MIPOL1: variants seen among roughly 807,000 people sequenced by gnomAD.
The protein encoded by MIPOL1 is mirror-image polydactyly gene 1 protein.
In MIPOL1, 57 loss-of-function variants were observed where a neutral mutation model predicts 60.9. The ratio of observed to expected loss-of-function variants is 0.94; its 90% CI spans 0.76 to 1.17. The LOEUF is 1.17. Among genes scored for constraint, MIPOL1 ranks in the 50% most tolerant of loss-of-function variants. The pLI is 0.00. For synonymous variants in MIPOL1, 179 were observed against 168.8 expected (o/e 1.06, Z -0.47); for missense variants, 551 against 511.6 (o/e 1.08, Z -0.74).
chr14:37,422,839 T>C lies in MIPOL1; in HGVS notation c.937-16T>C. ...AAAATGAATACTGAATTTCTTAAAA[T>C]ATTAATTACTTTTAGGCAAAGTTGT... On this transcript the variant is annotated splice_polypyrimidine_tract_variant and intron_variant, in intron 10 of 12. Coordinates refer to ENST00000684589, the MANE Select transcript of MIPOL1 (RefSeq NM_001388067.1). The C allele has an allele frequency of 1.3e-6, 2 of 1,538,972 alleles. No homozygotes were observed. The highest frequency in any genetic ancestry group is 2.8e-5 in the African/African-American group (2 of 72,544).
At chr14:37,307,275 T>TA (rs1217826662) in intron 7 of MIPOL1, among the ~76,000 whole-genome samples, 1 of 151,916 alleles carries the variant, frequency 6.6e-6, no homozygotes, top group African/African-American at 2.4e-5. Context: ...CACTAACATA[T>TA]ATCACAAATT....
At chr14:37,517,605 T>C (rs1333375576) in intron 12 of MIPOL1, among the ~76,000 whole-genome samples, 1 of 152,182 alleles carries the variant, frequency 6.6e-6, no homozygotes, top group East Asian at 1.9e-4. Flanking sequence ...AATTACAGTA[T>C]TGTTTTTAAT....
intron 11 of MIPOL1, among the ~76,000 whole-genome samples, chr14:37,454,836 A>C (rs752634276): frequency 3.9e-5 from 6 of 152,168 alleles, no homozygotes; most frequent in Non-Finnish European, 7.4e-5. Flanking sequence ...GGTAGCTGAT[A>C]ATTGTTTCTG....
At chr14:37,470,438 TA>T (rs769519097) in intron 11 of MIPOL1, among the ~76,000 whole-genome samples, 9 of 151,932 alleles carry the variant, frequency 5.9e-5, no homozygotes, top group Non-Finnish European at 1.3e-4. Flanking sequence ...GCTGTTCTCG[TA>T]ATAGTGAGTT....
At chr14:37,526,931 A>C (rs1566777452) in intron 12 of MIPOL1, among the ~76,000 whole-genome samples, 1 of 152,178 alleles carries the variant, frequency 6.6e-6, no homozygotes, top group Non-Finnish European at 1.5e-5. Flanking sequence ...AGCATTCACT[A>C]CTATTGAGTA....
intron 6 of MIPOL1, among the ~76,000 whole-genome samples, chr14:37,283,673 T>G (rs2084309462): frequency 6.6e-6 from 1 of 152,230 alleles, no homozygotes; most frequent in Non-Finnish European, 1.5e-5. Context: ...CTAACATTTG[T>G]TGATGATCCA....
intron 9 of MIPOL1, among the ~76,000 whole-genome samples, chr14:37,342,796 TAAATA>T (rs2090670496): frequency 6.6e-6 from 1 of 152,146 alleles, no homozygotes; most frequent in Non-Finnish European, 1.5e-5. Context: ...GCTTACTAAA[TAAATA>T]GCTATACATC....
intron 9 of MIPOL1, among the ~76,000 whole-genome samples, chr14:37,364,475 G>T (rs909698508): frequency 2.6e-5 from 4 of 152,160 alleles, no homozygotes; most frequent in East Asian, 3.9e-4. Context: ...ACCATTTATT[G>T]AAGAGACTGT....
intron 7 of MIPOL1, among the ~76,000 whole-genome samples, chr14:37,288,171 T>G (rs777079306): frequency 2.0e-5 from 3 of 151,636 alleles, no homozygotes; most frequent in African/African-American, 7.3e-5. Flanking sequence ...TTTTTTTGGT[T>G]GTTGTTTTGT....
chr14:37,406,918 C>T (rs1218161722), intron 10 of MIPOL1, among the ~76,000 whole-genome samples: 2 of 152,082 alleles, frequency 1.3e-5, no homozygotes, highest in Non-Finnish European at 2.9e-5. Flanking sequence ...CAAGAAGTCT[C>T]AGTATTTAAG....
At chr14:37,461,051 A>G (rs1566646066) in intron 11 of MIPOL1, among the ~76,000 whole-genome samples, 2 of 152,230 alleles carry the variant, frequency 1.3e-5, no homozygotes, top group East Asian at 1.9e-4. Context: ...AACCAAAGCA[A>G]TTTTAAGCAA....
intron 10 of MIPOL1, among the ~76,000 whole-genome samples, chr14:37,371,561 G>A (rs1595455607): frequency 6.6e-6 from 1 of 151,664 alleles, no homozygotes; most frequent in African/African-American, 2.4e-5. Context: ...TAAATTCTTG[G>A]TGAAGATGAG....
At chr14:37,339,678 A>C (rs2090432098) in intron 9 of MIPOL1, among the ~76,000 whole-genome samples, 1 of 152,216 alleles carries the variant, frequency 6.6e-6, no homozygotes, top group African/African-American at 2.4e-5. Context: ...ACAGTCTCTC[A>C]CACACACAAA....
chr14:37,537,706 A>G (rs887923902), intron 12 of MIPOL1, among the ~76,000 whole-genome samples: 2 of 152,186 alleles, frequency 1.3e-5, no homozygotes, highest in Non-Finnish European at 2.9e-5. Context: ...GGAATTCACG[A>G]TTTGGCTTTG....
intron 1 of MIPOL1, among the ~76,000 whole-genome samples, chr14:37,204,749 A>C (rs1325951472): frequency 1.3e-5 from 2 of 152,136 alleles, no homozygotes; most frequent in Admixed American, 6.5e-5. Context: ...AGACTAACAC[A>C]GTAAATGGAC....
At chr14:37,539,991 G>C (rs78654412) in intron 12 of MIPOL1, among the ~76,000 whole-genome samples, 1 of 152,060 alleles carries the variant, frequency 6.6e-6, no homozygotes, top group East Asian at 1.9e-4. Flanking sequence ...TCCCCCTTTT[G>C]CTTTACACTT....
At position 37,491,889 on chromosome 14, in the gene MIPOL1, C is replaced by T. The variant is rs535476958; in HGVS notation, c.1032-8019C>T. Among the ~76,000 whole-genome samples the T allele has an allele frequency of 2.0e-3, 312 of 152,318 alleles. 1 individual carries two copies. The highest frequency in any genetic ancestry group is 3.4e-3 in the Middle Eastern group (1 of 294). ...TTTGCAGATTAAATTTCCTCATACA[C>T]ACTCTTATCCATTCTGAATATATTT... On this transcript the variant is annotated intron_variant, in intron 11 of 12. Transcript: ENST00000684589.
At chr14:37,216,062 C>CAAAAAAAAAAAAA (rs71449980) in intron 1 of MIPOL1, among the ~76,000 whole-genome samples, 1 of 85,830 alleles carries the variant, frequency 1.2e-5, no homozygotes, top group Non-Finnish European at 2.3e-5. Flanking sequence ...ACCTCCATCT[C>CAAAAAAAAAAAAA]AAAAAAAAAA....
At chr14:37,247,677 T>C in intron 2 of MIPOL1, 152 bp from the exon 3 acceptor site, 1 of 502,682 alleles carries the variant, frequency 2.0e-6, no homozygotes, top group Non-Finnish European at 3.5e-6. Context: ...AAAGATTTAA[T>C]TTCTCCTGTT....
Sources: gnomAD v4.1 joint callset for allele counts (sites outside exome capture counted in the v4.1 genomes callset) on GRCh38, gnomAD v4.1.1 for gene constraint, MANE v1.5 for transcripts, NCBI Gene and HGNC (gene_info 2026-07-23, HGNC 2026-07-21) for gene names.